The following RSBN1L variants were observed in gnomAD, a reference collection of about 807,000 sequenced individuals.
The protein encoded by RSBN1L is round spermatid basic protein 1 like, also known as lysine-specific demethylase RSBN1L.
Under a neutral mutation model 67.7 loss-of-function variants are expected in RSBN1L, and 30 were observed. The observed-to-expected ratio is 0.44, with a 90% CI of 0.33 to 0.60. The LOEUF is 0.60. Among genes scored for constraint, RSBN1L ranks in the 20% least tolerant of loss-of-function variants. The pLI, the probability that RSBN1L is intolerant of heterozygous loss-of-function variation, is 0.02. For synonymous variants in RSBN1L, 433 were observed against 387.0 expected (o/e 1.12, Z -1.39); for missense variants, 992 against 1,031.7 (o/e 0.96, Z 0.53).
At chr7:77,721,587 G>A (rs1791120797) in intron 1 of RSBN1L, among the ~76,000 whole-genome samples, 1 of 152,174 alleles carries the variant, frequency 6.6e-6, no homozygotes, top group African/African-American at 2.4e-5. Flanking sequence ...GTAGGATTTG[G>A]GCAGGAGGAA....
intron 3 of RSBN1L, among the ~76,000 whole-genome samples, chr7:77,753,697 T>C (rs1003555535): frequency 5.3e-5 from 8 of 152,260 alleles, no homozygotes; most frequent in Non-Finnish European, 1.0e-4. Context: ...ACAAAGTCAT[T>C]AATATATTCT....
At chr7:77,708,603 C>T (rs895154148) in intron 1 of RSBN1L, among the ~76,000 whole-genome samples, 4 of 151,556 alleles carry the variant, frequency 2.6e-5, no homozygotes, top group Admixed American at 6.6e-5. Flanking sequence ...AGGATGGTCT[C>T]GATCTCCTGA....
intron 3 of RSBN1L, among the ~76,000 whole-genome samples, chr7:77,761,527 A>G (rs1562807527): frequency 6.6e-6 from 1 of 152,210 alleles, no homozygotes; most frequent in Non-Finnish European, 1.5e-5. Context: ...AATTCTGCAT[A>G]TTTGGTATAT....
chr7:77,725,654 G>C (rs965371203), intron 1 of RSBN1L, among the ~76,000 whole-genome samples: 1 of 151,162 alleles, frequency 6.6e-6, no homozygotes, highest in African/African-American at 2.4e-5. Context: ...TTTATTTTTT[G>C]AGATGGAGTT....
intron 1 of RSBN1L, among the ~76,000 whole-genome samples, chr7:77,721,767 A>G (rs7801709): frequency 0.014 from 2,177 of 152,230 alleles, 56 homozygotes; most frequent in African/African-American, 0.049. Context: ...CTTGAATGAC[A>G]TATTATGGGA....
At chr7:77,712,673 A>C (rs1446645485) in intron 1 of RSBN1L, among the ~76,000 whole-genome samples, 1 of 152,200 alleles carries the variant, frequency 6.6e-6, no homozygotes, top group Non-Finnish European at 1.5e-5. Flanking sequence ...GTTCCATGTC[A>C]ATATGTGTAG....
chr7:77,743,620 AT>A (rs1791443414), intron 2 of RSBN1L, among the ~76,000 whole-genome samples: 1 of 151,968 alleles, frequency 6.6e-6, no homozygotes, highest in Non-Finnish European at 1.5e-5. Flanking sequence ...TCCTGGTAAT[AT>A]TTTCTGATTT....
At chr7:77,741,153 A>G (rs1584290849) in intron 2 of RSBN1L, among the ~76,000 whole-genome samples, 1 of 150,944 alleles carries the variant, frequency 6.6e-6, no homozygotes, top group East Asian at 2.0e-4. Context: ...CGCCTGGCTA[A>G]TTTTTGTGTT....
intron 3 of RSBN1L, among the ~76,000 whole-genome samples, chr7:77,757,664 C>G (rs1235569941): frequency 6.6e-6 from 1 of 152,230 alleles, no homozygotes; most frequent in Non-Finnish European, 1.5e-5. Flanking sequence ...TGGCTTCATT[C>G]TTATGTCTGA....
intron 1 of RSBN1L, among the ~76,000 whole-genome samples, chr7:77,730,466 GT>G (rs1791259380): frequency 2.0e-5 from 3 of 152,008 alleles, no homozygotes. Context: ...ATTTTCATGG[GT>G]TTGGACAAAC....
chr7:77,776,771 T>C (rs1347668233), intron 6 of RSBN1L, among the ~76,000 whole-genome samples: 1 of 152,186 alleles, frequency 6.6e-6, no homozygotes, highest in Non-Finnish European at 1.5e-5. Context: ...TCCCATTCTT[T>C]TTCTTTTAAC....
chr7:77,703,009 G>A lies in RSBN1L; in HGVS notation c.586+5954G>A, dbSNP rs749950783. Among the ~76,000 whole-genome samples, 17 of 152,314 alleles carry A rather than the reference G, an allele frequency of 1.1e-4. No individual in the cohort carries two copies. In the East Asian group the frequency reaches 3.3e-3, roughly 29 times the overall value. ...CAACATATGGATTTTGGGGAGGCATGATTCAGTCCATAGTGAAGGGCTTGG... is the reference window on the plus strand; with the variant it reads ...CAACATATGGATTTTGGGGAGGCATAATTCAGTCCATAGTGAAGGGCTTGG... On this transcript the variant is annotated intron_variant, in intron 1 of 7. Coordinates refer to ENST00000334955, the MANE Select transcript of RSBN1L (RefSeq NM_198467.3).
In RSBN1L at chr7:77,765,563, A is replaced by G; in HGVS notation, c.1413A>G (p.Ala471=). 1 of 1,611,348 alleles carries G rather than the reference A, an allele frequency of 6.2e-7. No homozygotes were observed. Among genetic ancestry groups the G allele is most frequent in the Non-Finnish European group, 8.5e-7 (1 of 1,178,278 alleles). The change falls in exon 4 of 8, where the codon GCA becomes GCG. Residue 471 remains alanine, a synonymous_variant. Coordinates refer to ENST00000334955, the MANE Select transcript of RSBN1L (RefSeq NM_198467.3). ...TGAGACAAATAAGCTTGGTGGGAGCAGTTGATGAAGAAGTAGGAGATTATT... is the reference window on the plus strand; with the variant it reads ...TGAGACAAATAAGCTTGGTGGGAGCGGTTGATGAAGAAGTAGGAGATTATT... The part of the protein sequence containing the change: ...GPMRQISLVG[A]VDEEVGDYFP...
chr7:77,762,476 T>A (rs1791708256), intron 3 of RSBN1L, among the ~76,000 whole-genome samples: 1 of 152,178 alleles, frequency 6.6e-6, no homozygotes, highest in African/African-American at 2.4e-5. Context: ...ATAAAAAGCA[T>A]TATTTGTAAA....
chr7:77,759,177 G>A (rs1456091784), intron 3 of RSBN1L, among the ~76,000 whole-genome samples: 1 of 152,122 alleles, frequency 6.6e-6, no homozygotes, highest in Non-Finnish European at 1.5e-5. Context: ...GCTACTAAAA[G>A]CAATTTGATG....
chr7:77,754,194 T>C (rs1791588969), intron 3 of RSBN1L, among the ~76,000 whole-genome samples: 2 of 152,040 alleles, frequency 1.3e-5, no homozygotes, highest in South Asian at 2.1e-4. Context: ...TGAGCCACTG[T>C]GCCTAGCTTT....
chr7:77,768,580 A>G, intron 4 of RSBN1L, 81 bp from the exon 5 acceptor site: 1 of 1,210,626 alleles, frequency 8.3e-7, no homozygotes, highest in Non-Finnish European at 1.2e-6. Context: ...TGTGTTTGTC[A>G]GGGGAACAAT....
Position 77,779,343 on chromosome 7 carries a change from C to T in RSBN1L, c.*175C>T. 1.9e-6 allele frequency: 1 copy of T among 525,274 alleles called. No individual in the cohort carries two copies. Among genetic ancestry groups the T allele is most frequent in the Non-Finnish European group, 3.4e-6 (1 of 295,088 alleles). 32.5% of individuals were successfully genotyped at this position (525,274 alleles called of 1,614,324 possible). A position where few individuals can be genotyped will look rare whatever the true frequency, so the allele number is the denominator to read the frequency against. ...ACTGTGAAGTATTAAGCACTTAGGG[C>T]CAGATGCACTGTAAACATTGCAGGT... On this transcript the variant is annotated 3_prime_UTR_variant, in exon 8 of 8. Coordinates refer to ENST00000334955, the MANE Select transcript of RSBN1L (RefSeq NM_198467.3).
chr7:77,724,297 T>C (rs1015378609), intron 1 of RSBN1L, among the ~76,000 whole-genome samples: 3 of 152,160 alleles, frequency 2.0e-5, no homozygotes, highest in African/African-American at 7.2e-5. Flanking sequence ...CCTTCTAATA[T>C]ACTGAGTGAT....
Sources: gnomAD v4.1 joint callset for allele counts (sites outside exome capture counted in the v4.1 genomes callset) on GRCh38, gnomAD v4.1.1 for gene constraint, MANE v1.5 for transcripts, NCBI Gene and HGNC (gene_info 2026-07-23, HGNC 2026-07-21) for gene names.